TTC39C: variants seen among roughly 807,000 people sequenced by gnomAD.
TTC39C encodes tetratricopeptide repeat domain 39C, also known as tetratricopeptide repeat protein 39C.
TTC39C carries 33 observed loss-of-function variants against 76.3 expected under a neutral mutation model. The ratio of observed to expected loss-of-function variants is 0.43; its 90% CI spans 0.33 to 0.58. TTC39C has a LOEUF of 0.58. TTC39C is among the 20% of genes least tolerant of loss of function. TTC39C has a pLI of 0.04. For missense variants in TTC39C, 595 were observed against 701.4 expected (o/e 0.85, Z 1.71); for synonymous variants, 254 against 260.6 (o/e 0.97, Z 0.24).
upstream of TTC39C, chr18:24,013,018 T>G (rs1044105230): frequency 3.3e-5 from 5 of 152,220 alleles, no homozygotes; most frequent in Admixed American, 2.0e-4. Context: ...AGGGAACGCT[T>G]CTTCTCATCT....
intron 1 of TTC39C, among the ~76,000 whole-genome samples, chr18:24,063,214 T>C (rs2084120507): frequency 6.6e-6 from 1 of 152,212 alleles, no homozygotes; most frequent in South Asian, 2.1e-4. Context: ...TTTAAATTGG[T>C]ATTGATTTGG....
At chr18:24,021,718 G>A (rs2083520461) in intron 1 of TTC39C, among the ~76,000 whole-genome samples, 1 of 151,976 alleles carries the variant, frequency 6.6e-6, no homozygotes, top group Non-Finnish European at 1.5e-5. Flanking sequence ...CTTTTCCCTA[G>A]CTGAGGTTGC....
intron 1 of TTC39C, among the ~76,000 whole-genome samples, chr18:24,056,415 A>G (rs1400289647): frequency 3.3e-5 from 5 of 152,216 alleles, no homozygotes; most frequent in Non-Finnish European, 5.9e-5. Context: ...CAGAAAAATG[A>G]AAGACAAAAA....
intron 4 of TTC39C, chr18:24,077,290 T>G (rs986826517): frequency 6.6e-6 from 1 of 152,208 alleles, no homozygotes; most frequent in African/African-American, 2.4e-5. Flanking sequence ...TGGAGTTAAA[T>G]TTATCCCTCC....
rs992412136 is a variant in TTC39C, at chr18:24,116,829, T to G, written c.1079-1296T>G. Among the ~76,000 whole-genome samples, 85 of 146,344 alleles carry G rather than the reference T, an allele frequency of 5.8e-4. 3 individuals carry two copies. The South Asian group carries it at 0.018, about 31-fold the overall frequency. On this transcript the variant is annotated intron_variant, in intron 7 of 13. Coordinates refer to ENST00000317571, the MANE Select transcript of TTC39C (RefSeq NM_001135993.2). The stretch of plus-strand genomic sequence containing the variant: ...CCTCTTGATACCTTAGTTTTTTTTT[T>G]TTTTTTTTTTTTTTAAGACAGGGTC...
intron 5 of TTC39C, among the ~76,000 whole-genome samples, chr18:24,082,087 G>A (rs989181084): frequency 6.9e-6 from 1 of 145,650 alleles, no homozygotes; most frequent in Non-Finnish European, 1.5e-5. Flanking sequence ...GCGCGATCTC[G>A]GCTCACTGCA....
In TTC39C at chr18:24,088,867, T is replaced by TC. The variant is rs138313464; in HGVS notation, c.984+5790dup. 9.3e-3 allele frequency among the ~76,000 whole-genome samples: 1,420 copies of TC among 152,350 alleles called. 15 individuals are homozygous for TC. Among genetic ancestry groups the TC allele is most frequent in the African/African-American group, 0.032 (1,338 of 41,582 alleles). ...GTGAAAGACTTTCTTTACACTTCTA[T>TC]CCCCGGCGTGCCTGTGTTCTGTCTC... On this transcript the variant is annotated intron_variant, in intron 6 of 13. Transcript: ENST00000317571.
At chr18:24,113,753 C>G in intron 6 of TTC39C, 1 of 695,996 alleles carries the variant, frequency 1.4e-6, no homozygotes, top group Non-Finnish European at 2.6e-6. Context: ...CTCTTGGGTA[C>G]TTGTGGCATC....
intron 6 of TTC39C, among the ~76,000 whole-genome samples, chr18:24,106,120 A>T (rs1241580945): frequency 6.6e-6 from 1 of 152,156 alleles, no homozygotes. Context: ...AACAACCCTT[A>T]TTTCCAAATA....
At chr18:24,035,943 C>T (rs1263330540) in intron 1 of TTC39C, among the ~76,000 whole-genome samples, 1 of 152,082 alleles carries the variant, frequency 6.6e-6, no homozygotes, top group Non-Finnish European at 1.5e-5. Flanking sequence ...TCCCTTGTGA[C>T]TTAATATTTT....
Position 24,117,711 on chromosome 18 carries a change from G to GAA in TTC39C, c.1079-400_1079-399dup, listed in dbSNP as rs5823411. Reference sequence around the variant, plus strand: ...AGCAAGACTCCTTCTCAAAAAAAAAGAAAAAAAAAAAAAAAGAATGAGTGG... The same window carrying GAA: ...AGCAAGACTCCTTCTCAAAAAAAAAGAAAAAAAAAAAAAAAAAGAATGAGTGG... On this transcript the variant is annotated intron_variant, in intron 7 of 13. Coordinates refer to ENST00000317571, the MANE Select transcript of TTC39C (RefSeq NM_001135993.2). Among the ~76,000 whole-genome samples, 194 of 114,914 alleles carry GAA rather than the reference G, an allele frequency of 1.7e-3. 1 individual carries two copies. The highest frequency in any genetic ancestry group is 5.5e-3 in the African/African-American group (188 of 34,434). 75.4% of individuals were successfully genotyped at this position (114,914 alleles called of 152,430 possible).
At chr18:24,129,407 A>T (rs1395790852) in intron 11 of TTC39C, among the ~76,000 whole-genome samples, 1 of 152,034 alleles carries the variant, frequency 6.6e-6, no homozygotes, top group Non-Finnish European at 1.5e-5. Context: ...CAAGCGAGAG[A>T]GTTGTTTTTT....
intron 6 of TTC39C, among the ~76,000 whole-genome samples, chr18:24,095,187 A>G (rs893977065): frequency 1.3e-4 from 20 of 152,200 alleles, no homozygotes; most frequent in African/African-American, 4.8e-4. Context: ...ACCTCTGCCA[A>G]CCTTGGGCTT....
chr18:24,093,222 A>G lies in TTC39C; in HGVS notation c.984+10141A>G, dbSNP rs150853063. ...TGGCCGGGTGCAGTGGCTCACGCCT[A>G]TAATCCCAGCACTTTGGGAGGCCGA... On this transcript the variant is annotated intron_variant, in intron 6 of 13. Coordinates refer to ENST00000317571, the MANE Select transcript of TTC39C (RefSeq NM_001135993.2). Among the ~76,000 whole-genome samples, 882 of 152,276 alleles carry G rather than the reference A, an allele frequency of 5.8e-3. 6 individuals are homozygous for G. The highest frequency in any genetic ancestry group is 0.02 in the African/African-American group (841 of 41,568).
intron 3 of TTC39C, among the ~76,000 whole-genome samples, chr18:24,068,632 G>A (rs2084198560): frequency 6.6e-6 from 1 of 152,114 alleles, no homozygotes; most frequent in South Asian, 2.1e-4. Flanking sequence ...AGTAGTTTGT[G>A]ATTTATTCAA....
At chr18:24,070,510 T>G (rs1262641836) in intron 4 of TTC39C, among the ~76,000 whole-genome samples, 1 of 152,208 alleles carries the variant, frequency 6.6e-6, no homozygotes, top group Non-Finnish European at 1.5e-5. Context: ...TTCCTTTTCC[T>G]GACACTCAGG....
chr18:24,044,035 A>G (rs1308836348), intron 1 of TTC39C, among the ~76,000 whole-genome samples: 4 of 142,064 alleles, frequency 2.8e-5, no homozygotes, highest in Non-Finnish European at 6.0e-5. Context: ...GTTGGCTGAA[A>G]GAGCATTTGT....
chr18:24,029,608 C>CA (rs2083643267), intron 1 of TTC39C, among the ~76,000 whole-genome samples: 1 of 152,124 alleles, frequency 6.6e-6, no homozygotes, highest in East Asian at 1.9e-4. Context: ...ACCTATCACC[C>CA]AAGCAGTGTA....
intron 6 of TTC39C, chr18:24,113,212 T>G: frequency 4.6e-6 from 1 of 218,826 alleles, no homozygotes; most frequent in Non-Finnish European, 9.1e-6. Context: ...AGTGTTACTT[T>G]GGGGCATGAA....
Sources: gnomAD v4.1 joint callset for allele counts (sites outside exome capture counted in the v4.1 genomes callset) on GRCh38, gnomAD v4.1.1 for gene constraint, MANE v1.5 for transcripts, NCBI Gene and HGNC (gene_info 2026-07-23, HGNC 2026-07-21) for gene names.